Variants in ERI3 observed in about 807,000 individuals in gnomAD.
ERI3 encodes ERI1 exoribonuclease family member 3, also known as ERI1 exoribonuclease 3.
A neutral mutation model predicts 44.4 loss-of-function variants in ERI3; 18 were observed. The ratio of observed to expected loss-of-function variants is 0.41; its 90% confidence interval spans 0.28 to 0.60. ERI3 has a LOEUF of 0.60. Among genes scored for constraint, ERI3 ranks in the 20% least tolerant of loss-of-function variants. The probability of loss-of-function intolerance (pLI) is 0.36; values close to 1 mark genes in which losing one functional copy is unlikely to be tolerated. For missense variants in ERI3, 294 were observed against 435.5 expected, an observed-to-expected ratio of 0.68 and a Z score of 2.89; for synonymous variants, 183 against 164.8, an observed-to-expected ratio of 1.11 and a Z score of -0.84.
At chr1:44,342,760 C>T (rs1453266952) in intron 2 of ERI3, among the ~76,000 whole-genome samples, 1 of 133,728 alleles carries the variant, frequency 7.5e-6, no homozygotes, top group Non-Finnish European at 1.6e-5. Flanking sequence ...AATCTTCCCA[C>T]TTCAGCCTCC....
Position 44,221,486 on chromosome 1 carries a change from T to C in ERI3, c.*72A>G. The C allele has an allele frequency of 8.2e-7, 1 of 1,214,934 alleles. No individual in the cohort carries two copies. Among genetic ancestry groups the C allele is most frequent in the Admixed American group, 1.7e-5 (1 of 58,308 alleles). The allele number at this position is 1,214,934 out of a possible 1,614,324, so 75.3% of individuals were successfully genotyped here. A position where few individuals can be genotyped will look rare whatever the true frequency, so the allele number is the denominator to read the frequency against. On this transcript the variant is annotated 3_prime_UTR_variant, in exon 9 of 9. Coordinates refer to ENST00000372257, the MANE Select transcript of ERI3 (RefSeq NM_024066.3). The surrounding 1 kb of genome is among the most constrained non-coding windows in gnomAD (Gnocchi z 5.9). ...CTATGCCACTCTCCCTCTTCCCCTCTGGTGAGGGAGAGGAGGATTCTGGGC... is the reference window on the plus strand; with the variant it reads ...CTATGCCACTCTCCCTCTTCCCCTCCGGTGAGGGAGAGGAGGATTCTGGGC...
intron 3 of ERI3, among the ~76,000 whole-genome samples, chr1:44,335,498 G>A (rs1164272726): frequency 6.6e-6 from 1 of 152,088 alleles, no homozygotes; most frequent in Non-Finnish European, 1.5e-5. Flanking sequence ...AGTGGCTCAT[G>A]CCTGTAATCC....
At chr1:44,253,982 C>T (rs1171578270) in intron 7 of ERI3, among the ~76,000 whole-genome samples, 1 of 152,160 alleles carries the variant, frequency 6.6e-6, no homozygotes, top group African/African-American at 2.4e-5. Context: ...TATTTTAAGT[C>T]ACTAAGTGTC....
intron 3 of ERI3, among the ~76,000 whole-genome samples, chr1:44,332,065 G>A (rs1365627446): frequency 6.6e-6 from 1 of 152,142 alleles, no homozygotes; most frequent in East Asian, 1.9e-4. Context: ...ATCTAACACA[G>A]AGCTTTAAGT....
intron 6 of ERI3, among the ~76,000 whole-genome samples, chr1:44,302,212 C>G (rs1251026745): frequency 2.0e-5 from 3 of 152,202 alleles, no homozygotes; most frequent in Non-Finnish European, 4.4e-5. Context: ...TCTTTCCTTC[C>G]CTACTCAGAA....
chr1:44,326,108 T>C (rs1646306974), intron 3 of ERI3, among the ~76,000 whole-genome samples: 1 of 152,242 alleles, frequency 6.6e-6, no homozygotes, highest in Non-Finnish European at 1.5e-5. Flanking sequence ...CTGGCTTTCC[T>C]TCAAAACAAC....
intron 6 of ERI3, among the ~76,000 whole-genome samples, chr1:44,287,792 C>A (rs149992439): frequency 6.6e-6 from 1 of 152,338 alleles, no homozygotes; most frequent in East Asian, 1.9e-4. Context: ...GAAATGCTTG[C>A]TGAACTCAGC....
At chr1:44,301,167 G>A (rs1478550096) in intron 6 of ERI3, among the ~76,000 whole-genome samples, 4 of 152,266 alleles carry the variant, frequency 2.6e-5, no homozygotes, top group East Asian at 1.9e-4. Context: ...GGGCTAACCC[G>A]GTGCACCTCT....
rs181669331 is a variant in ERI3 at position 44,309,810 on chromosome 1, G to A, written c.667-1409C>T. On this transcript the variant is annotated intron_variant, in intron 5 of 8. Transcript: ENST00000372257. ...GATCTCCTGACCTCATGATCTGCCC[G>A]CCTCGGCCTCCCAAAGTGCTGGGAT... Among the ~76,000 whole-genome samples, 1,252 of 152,068 alleles carry A rather than the reference G, an allele frequency of 8.2e-3. 5 individuals are homozygous for A. The highest frequency in any genetic ancestry group is 0.015 in the Admixed American group (225 of 15,294).
Position 44,228,339 on chromosome 1 carries a change from T to G in ERI3, c.932-6699A>C, listed in dbSNP as rs998570015. ...GGGGAAAAGGCAATTTCATCTTGAT[T>G]AGCAGGCGATTTCTCTCACCGTAAT... is the stretch of plus-strand genomic sequence containing the variant. On this transcript the variant is annotated intron_variant, in intron 8 of 8. Coordinates refer to ENST00000372257, the MANE Select transcript of ERI3 (RefSeq NM_024066.3). This position sits in a 1 kb window ranked among gnomAD's most constrained non-coding sequence, Gnocchi z 4.3. 6.6e-6 allele frequency among the ~76,000 whole-genome samples: 1 copy of G among 152,212 alleles called. No homozygotes were observed. Among genetic ancestry groups the G allele is most frequent in the African/African-American group, 2.4e-5 (1 of 41,436 alleles).
intron 6 of ERI3, among the ~76,000 whole-genome samples, chr1:44,299,155 T>C (rs1032779582): frequency 6.6e-6 from 1 of 152,108 alleles, no homozygotes; most frequent in Non-Finnish European, 1.5e-5. Flanking sequence ...CACATTTGTG[T>C]ATTTATGCAT....
intron 3 of ERI3, among the ~76,000 whole-genome samples, chr1:44,331,579 G>T (rs1646431223): frequency 6.6e-6 from 1 of 152,126 alleles, no homozygotes; most frequent in Non-Finnish European, 1.5e-5. Context: ...GCATCACAAT[G>T]ACACCTTCTA....
At chr1:44,318,671 A>T (rs1439555801) in intron 4 of ERI3, among the ~76,000 whole-genome samples, 1 of 152,240 alleles carries the variant, frequency 6.6e-6, no homozygotes, top group Non-Finnish European at 1.5e-5. Flanking sequence ...AGGGTCAAAC[A>T]GGCTCATCCC....
In ERI3 at chr1:44,337,714, A is replaced by G. The variant is rs1166790711; in HGVS notation, c.489+1331T>C. Among the ~76,000 whole-genome samples the G allele has an allele frequency of 8.3e-4, 127 of 152,232 alleles. 1 individual carries two copies. The highest frequency in any genetic ancestry group is 5.9e-5 in the Non-Finnish European group (4 of 68,038). Reference sequence around the variant, plus strand: ...GAGAAAGGGAACACTAGAGGTTGTCATACCTGCTTTATGTAAAATAATTTA... The same window carrying G: ...GAGAAAGGGAACACTAGAGGTTGTCGTACCTGCTTTATGTAAAATAATTTA... On this transcript the variant is annotated intron_variant, in intron 3 of 8. Coordinates refer to ENST00000372257, the MANE Select transcript of ERI3 (RefSeq NM_024066.3).
chr1:44,270,291 GTATT>G (rs1553187568), intron 7 of ERI3, among the ~76,000 whole-genome samples: 1 of 152,146 alleles, frequency 6.6e-6, no homozygotes, highest in Non-Finnish European at 1.5e-5. Flanking sequence ...CTTTTCTACA[GTATT>G]TATGCCTCTT....
chr1:44,266,251 G>A (rs894986840), intron 7 of ERI3, among the ~76,000 whole-genome samples: 9 of 152,202 alleles, frequency 5.9e-5, no homozygotes, highest in African/African-American at 1.9e-4. Context: ...GAGGAGTTAA[G>A]TCTTGAAGGA....
chr1:44,275,166 T>G lies in ERI3; in HGVS notation c.831+9669A>C, dbSNP rs559795489. ...CTCTCTTGGTTTTCATTTTTGTTTG[T>G]TTTTTTTTCCAAGTTAGCTTCTGAA... On this transcript the variant is annotated intron_variant, in intron 7 of 8. Transcript: ENST00000372257. Among the ~76,000 whole-genome samples the G allele has an allele frequency of 3.3e-5, 5 of 151,322 alleles. No homozygotes were observed. In the East Asian group the frequency reaches 9.7e-4, roughly 29 times the overall value.
chr1:44,262,928 G>A (rs907607905), intron 7 of ERI3, among the ~76,000 whole-genome samples: 5 of 151,978 alleles, frequency 3.3e-5, no homozygotes, highest in African/African-American at 7.3e-5. Context: ...TACTCCCACC[G>A]TTCACTCCCA....
At chr1:44,254,621 G>A (rs1644745681) in intron 7 of ERI3, among the ~76,000 whole-genome samples, 1 of 152,080 alleles carries the variant, frequency 6.6e-6, no homozygotes, top group South Asian at 2.1e-4. Context: ...TATACAGAAA[G>A]TGGTTACTAC....
Sources: gnomAD v4.1 joint callset for allele counts (sites outside exome capture counted in the v4.1 genomes callset) on GRCh38, gnomAD v4.1.1 for gene constraint, Gnocchi (gnomAD v3.1) non-coding constraint, MANE v1.5 for transcripts, NCBI Gene and HGNC (gene_info 2026-07-23, HGNC 2026-07-21) for gene names.